Variants in TBC1D22A observed in about 807,000 individuals in gnomAD.
TBC1D22A encodes the protein putative GTPase activator.
TBC1D22A carries 38 observed loss-of-function variants against 60.2 expected under a neutral mutation model. That is an observed-to-expected ratio of 0.63 (90% CI 0.49 to 0.83). TBC1D22A has a LOEUF of 0.83. Ranked by LOEUF, TBC1D22A falls within the 40% of genes least tolerant of loss-of-function variation. The pLI is 0.00. For missense variants in TBC1D22A, 628 were observed against 701.0 expected (o/e 0.90, Z 1.18); for synonymous variants, 302 against 281.7 (o/e 1.07, Z -0.72).
At chr22:46,856,331 T>C (rs1388399153) in intron 4 of TBC1D22A, among the ~76,000 whole-genome samples, 2 of 152,264 alleles carry the variant, frequency 1.3e-5, no homozygotes, top group East Asian at 1.9e-4. Context: ...AGTAACCTGC[T>C]GCCAGGTACT....
At chr22:47,134,619 A>T (rs941947925) in intron 12 of TBC1D22A, among the ~76,000 whole-genome samples, 4 of 152,244 alleles carry the variant, frequency 2.6e-5, no homozygotes, top group Non-Finnish European at 5.9e-5. Context: ...AGCAACTGGC[A>T]GCCTGGGAGT....
At chr22:46,930,622 A>ATTTT (rs367772036) in intron 8 of TBC1D22A, among the ~76,000 whole-genome samples, 77 of 143,546 alleles carry the variant, frequency 5.4e-4, no homozygotes, top group Admixed American at 1.9e-3. Context: ...CGCCTGGCTA[A>ATTTT]TTTTTTTTTT....
At position 46,898,628 on chromosome 22, in the gene TBC1D22A, C is replaced by T. The variant is rs9627612; in HGVS notation, c.900+3782C>T. Among the ~76,000 whole-genome samples, 1,000 of 152,078 alleles carry T rather than the reference C, an allele frequency of 6.6e-3. 19 individuals are homozygous for T. Among genetic ancestry groups the T allele is most frequent in the African/African-American group, 0.023 (950 of 41,478 alleles). ...ATAAGATAACCTAGACACAATGGGGCAGGGAACAATCAGATATGCATTTGT... is the reference window on the plus strand; with the variant it reads ...ATAAGATAACCTAGACACAATGGGGTAGGGAACAATCAGATATGCATTTGT... On this transcript the variant is annotated intron_variant, in intron 7 of 12. Transcript: ENST00000337137.
intron 11 of TBC1D22A, among the ~76,000 whole-genome samples, chr22:47,108,427 T>G (rs1368902520): frequency 6.6e-6 from 1 of 152,260 alleles, no homozygotes; most frequent in Non-Finnish European, 1.5e-5. Flanking sequence ...AATCACCCTG[T>G]GTGGAAAAGC....
At chr22:46,782,445 TG>T (rs1238656103) in intron 1 of TBC1D22A, among the ~76,000 whole-genome samples, 2 of 152,348 alleles carry the variant, frequency 1.3e-5, no homozygotes, top group East Asian at 3.9e-4. Context: ...TGGGACACAA[TG>T]GGGTCAGGGA....
intron 4 of TBC1D22A, among the ~76,000 whole-genome samples, chr22:46,867,101 C>G (rs948592848): frequency 3.3e-5 from 5 of 152,194 alleles, no homozygotes; most frequent in African/African-American, 1.2e-4. Flanking sequence ...TGCATTTCCC[C>G]CCAGATGTGA....
At chr22:46,839,309 C>CTTTTT (rs1178066621) in intron 4 of TBC1D22A, among the ~76,000 whole-genome samples, 1 of 140,002 alleles carries the variant, frequency 7.1e-6, no homozygotes, top group Non-Finnish European at 1.6e-5. Context: ...GATTCTTCTT[C>CTTTTT]TTTTTTTTTT....
At chr22:47,019,815 C>T (rs551124318) in intron 10 of TBC1D22A, among the ~76,000 whole-genome samples, 155 of 151,868 alleles carry the variant, frequency 1.0e-3, no homozygotes, top group Non-Finnish European at 1.8e-3. Context: ...CTCCATCCTT[C>T]GCTTCTCCCT....
At chr22:46,974,888 T>C (rs1185733464) in intron 9 of TBC1D22A, among the ~76,000 whole-genome samples, 2 of 152,218 alleles carry the variant, frequency 1.3e-5, no homozygotes, top group African/African-American at 4.8e-5. Flanking sequence ...CAACACGAGC[T>C]GGTGGGAGTC....
At chr22:46,932,902 T>C (rs891434751) in intron 8 of TBC1D22A, among the ~76,000 whole-genome samples, 2 of 151,934 alleles carry the variant, frequency 1.3e-5, no homozygotes, top group Non-Finnish European at 2.9e-5. Flanking sequence ...TTTTTTTATT[T>C]TTAGTAGAGA....
intron 9 of TBC1D22A, among the ~76,000 whole-genome samples, chr22:46,985,668 G>C (rs1055365127): frequency 6.6e-6 from 1 of 152,198 alleles, no homozygotes; most frequent in Admixed American, 6.5e-5. Flanking sequence ...GTTGGTGGCA[G>C]CCGAGGCTGT....
At chr22:46,959,001 A>G (rs2073354576) in intron 8 of TBC1D22A, among the ~76,000 whole-genome samples, 1 of 152,178 alleles carries the variant, frequency 6.6e-6, no homozygotes, top group Non-Finnish European at 1.5e-5. Flanking sequence ...CTAATTCAGT[A>G]TAAAATGAAA....
intron 1 of TBC1D22A, 45 bp from the exon 2 acceptor site, chr22:46,792,474 GA>G (rs1386537750): frequency 1.2e-6 from 2 of 1,613,902 alleles, no homozygotes; most frequent in Admixed American, 1.7e-5. Context: ...GGGCTCTTGG[GA>G]AGGCAGGAGA....
chr22:46,799,655 G>A (rs956041621), intron 4 of TBC1D22A, among the ~76,000 whole-genome samples: 2 of 152,194 alleles, frequency 1.3e-5, no homozygotes, highest in African/African-American at 2.4e-5. Flanking sequence ...CTAACCTGGC[G>A]CAGCAGCTTT....
At position 46,990,826 on chromosome 22, in the gene TBC1D22A, C is replaced by T. The variant is rs1005238962; in HGVS notation, c.1126-6808C>T. 6.6e-6 allele frequency among the ~76,000 whole-genome samples: 1 copy of T among 152,224 alleles called. No homozygotes were observed. The highest frequency in any genetic ancestry group is 1.9e-4 in the East Asian group (1 of 5,204). ...CTCCCTCCCGCGCCGGCGTTCGTGA[C>T]GGCTCTGCTCCTCGCCGTGTGCGTC... is the stretch of plus-strand genomic sequence containing the variant. On this transcript the variant is annotated intron_variant, in intron 9 of 12. Transcript: ENST00000337137. This position sits in a 1 kb window ranked among gnomAD's most constrained non-coding sequence, Gnocchi z 4.6.
intron 9 of TBC1D22A, among the ~76,000 whole-genome samples, chr22:46,986,515 A>G (rs1405865451): frequency 6.6e-6 from 1 of 152,034 alleles, no homozygotes; most frequent in Non-Finnish European, 1.5e-5. Flanking sequence ...AGCGTAGTGT[A>G]TTTCTTAATT....
At chr22:46,913,928 T>A in intron 8 of TBC1D22A, 1 of 284,934 alleles carries the variant, frequency 3.5e-6, no homozygotes, top group Non-Finnish European at 5.3e-6. Flanking sequence ...ATGGAATTTG[T>A]GTCCTATAAG....
At chr22:47,051,042 T>C (rs899634161) in intron 11 of TBC1D22A, among the ~76,000 whole-genome samples, 1 of 152,202 alleles carries the variant, frequency 6.6e-6, no homozygotes, top group African/African-American at 2.4e-5. Context: ...GCGGCGGCTC[T>C]GGGGCTTCCC....
At chr22:46,847,130 G>A (rs540213827) in intron 4 of TBC1D22A, among the ~76,000 whole-genome samples, 26 of 152,300 alleles carry the variant, frequency 1.7e-4, no homozygotes, top group African/African-American at 6.0e-4. Flanking sequence ...CCAGTTCTGC[G>A]GTGACCTCTC....
Sources: allele counts gnomAD v4.1 joint callset (sites outside exome capture counted in the v4.1 genomes callset), GRCh38; gene constraint gnomAD v4.1.1; non-coding constraint Gnocchi (gnomAD v3.1); transcripts MANE v1.5; gene names NCBI Gene and HGNC (gene_info 2026-07-23, HGNC 2026-07-21).